The following SNX8 variants were observed in gnomAD, a reference collection of about 807,000 sequenced individuals.
SNX8 encodes the protein sorting nexin-8.
In SNX8, 25 loss-of-function variants were observed where a neutral mutation model predicts 51.6. The ratio of observed to expected loss-of-function variants is 0.48; its 90% CI spans 0.35 to 0.68. The LOEUF is 0.68. Ranked by LOEUF, SNX8 falls within the 30% of genes least tolerant of loss-of-function variation. The pLI is 0.00. For missense variants in SNX8, 695 were observed against 624.0 expected (o/e 1.11, Z -1.21); for synonymous variants, 324 against 277.0 (o/e 1.17, Z -1.68).
intron 1 of SNX8, among the ~76,000 whole-genome samples, chr7:2,330,413 A>G (rs1434350992): frequency 6.6e-6 from 1 of 152,126 alleles, no homozygotes; most frequent in Admixed American, 6.6e-5. Flanking sequence ...CTGGGATTAC[A>G]GGTGTGAGCC....
chr7:2,309,179 C>T (rs1185702084), intron 1 of SNX8, among the ~76,000 whole-genome samples: 1 of 152,138 alleles, frequency 6.6e-6, no homozygotes, highest in Non-Finnish European at 1.5e-5. Context: ...CCTGCCTTAA[C>T]CTCCCAAAGT....
At chr7:2,314,621 C>A (rs536877995), upstream of SNX8, among the ~76,000 whole-genome samples, 18 of 152,256 alleles carry the variant, frequency 1.2e-4, no homozygotes, top group African/African-American at 4.3e-4. Context: ...CGCCCACATG[C>A]CCCTCCCCGT....
intron 1 of SNX8, among the ~76,000 whole-genome samples, chr7:2,286,081 G>C (rs574352513): frequency 6.7e-6 from 1 of 150,166 alleles, no homozygotes; most frequent in Non-Finnish European, 1.5e-5. Context: ...GCGCTATCTC[G>C]GCTCACTGCA....
At chr7:2,308,578 G>A (rs1215789529) in intron 1 of SNX8, among the ~76,000 whole-genome samples, 1 of 148,002 alleles carries the variant, frequency 6.8e-6, no homozygotes, top group African/African-American at 2.5e-5. Context: ...TGAGGCAGGA[G>A]TCACTTGAAC....
rs1316873875 is a variant in SNX8 at position 2,263,380 on chromosome 7, C to A, written c.783-18G>T. On this transcript the variant is annotated intron_variant, in intron 6 of 10. Transcript: ENST00000222990. ...CTATTGCACTGAGGGAGCAAGCACA[C>A]AGGAGAGGAGACACTCAAGGCCTGG... is the stretch of plus-strand genomic sequence containing the variant. 1.3e-6 allele frequency: 2 copies of A among 1,575,182 alleles called. No individual in the cohort carries two copies. The highest frequency in any genetic ancestry group is 1.9e-5 in the Admixed American group (1 of 53,228).
chr7:2,296,358 G>A (rs1200724858), intron 1 of SNX8, among the ~76,000 whole-genome samples: 1 of 151,994 alleles, frequency 6.6e-6, no homozygotes, highest in Non-Finnish European at 1.5e-5. Context: ...ATGGGAATGA[G>A]TTCTTGATTT....
chr7:2,256,740 G>T, intron 10 of SNX8, 134 bp downstream of exon 10: 1 of 788,082 alleles, frequency 1.3e-6, no homozygotes, highest in Non-Finnish European at 1.9e-6. Flanking sequence ...CGTGTTCCAA[G>T]GCCCATGCGG....
intron 1 of SNX8, among the ~76,000 whole-genome samples, chr7:2,280,450 C>A (rs916697084): frequency 2.3e-4 from 35 of 151,420 alleles, no homozygotes; most frequent in African/African-American, 8.5e-4. Context: ...CCACTGCACT[C>A]CAGCCTGGGC....
At chr7:2,313,970 G>A (rs548624450) in intron 1 of SNX8, among the ~76,000 whole-genome samples, 1 of 152,354 alleles carries the variant, frequency 6.6e-6, no homozygotes, top group Admixed American at 6.5e-5. Context: ...TGACCAGGCA[G>A]GGCAGAAGAG....
intron 1 of SNX8, among the ~76,000 whole-genome samples, chr7:2,331,416 GAATA>G (rs1299823573): frequency 2.0e-5 from 3 of 151,126 alleles, no homozygotes; most frequent in African/African-American, 7.3e-5. Flanking sequence ...TATATAAAAA[GAATA>G]AATAGGCCAG....
intron 8 of SNX8, 110 bp downstream of exon 8, chr7:2,257,625 C>G: frequency 1.9e-6 from 3 of 1,561,952 alleles, no homozygotes; most frequent in Non-Finnish European, 2.6e-6. Flanking sequence ...TCTTCCCCTG[C>G]AGCCCTGGCT....
intron 1 of SNX8, among the ~76,000 whole-genome samples, chr7:2,327,281 C>T (rs191621434): frequency 5.3e-4 from 81 of 152,240 alleles, no homozygotes; most frequent in Non-Finnish European, 9.1e-4. Flanking sequence ...GCTCTGTTGC[C>T]CAGGCTGGAG....
intron 1 of SNX8, among the ~76,000 whole-genome samples, chr7:2,306,758 G>A (rs1356244545): frequency 2.0e-5 from 3 of 152,120 alleles, no homozygotes; most frequent in Admixed American, 6.6e-5. Flanking sequence ...AAATTTTTGC[G>A]ATTGTGGTTG....
chr7:2,287,685 A>G (rs895716172), intron 1 of SNX8, among the ~76,000 whole-genome samples: 3 of 152,012 alleles, frequency 2.0e-5, no homozygotes, highest in African/African-American at 7.2e-5. Context: ...CAGAAGGTGG[A>G]GGTTGCACTG....
At chr7:2,347,480 CAAAA>C (rs749495262) in intron 1 of SNX8, among the ~76,000 whole-genome samples, 1 of 39,366 alleles carries the variant, frequency 2.5e-5, no homozygotes, top group Non-Finnish European at 4.9e-5. Context: ...GATGCTGTCT[CAAAA>C]AAAAAAAAAA....
chr7:2,268,649 C>G, intron 5 of SNX8, among the ~76,000 whole-genome samples: 2 of 99,558 alleles, frequency 2.0e-5, no homozygotes, highest in South Asian at 3.8e-4. Context: ...AGGTGAGGGG[C>G]GCCTCTGCCC....
chr7:2,332,742 A>AG (rs1778758587), intron 1 of SNX8, among the ~76,000 whole-genome samples: 2 of 111,154 alleles, frequency 1.8e-5, no homozygotes, highest in African/African-American at 6.4e-5. Context: ...AGAGAGAGAG[A>AG]AAAGGAAGGA....
intron 1 of SNX8, among the ~76,000 whole-genome samples, chr7:2,297,313 G>A (rs1469626723): frequency 6.6e-6 from 1 of 151,782 alleles, no homozygotes; most frequent in South Asian, 2.1e-4. Context: ...CACTTTGGGA[G>A]GCCGAGGCGG....
At chr7:2,288,017 G>C (rs1214737646) in intron 1 of SNX8, 1 of 152,340 alleles carries the variant, frequency 6.6e-6, no homozygotes, top group Non-Finnish European at 1.5e-5. Flanking sequence ...GTTGTCATGT[G>C]TTCTGGACCA....
Sources: allele counts gnomAD v4.1 joint callset (sites outside exome capture counted in the v4.1 genomes callset), GRCh38; gene constraint gnomAD v4.1.1; transcripts MANE v1.5; gene names NCBI Gene and HGNC (gene_info 2026-07-23, HGNC 2026-07-21).